The following CPS1 variants were observed in gnomAD, a reference collection of about 807,000 sequenced individuals.
CPS1 encodes the protein carbamoyl-phosphate synthase 1, also known as carbamoyl-phosphate synthase [ammonia], mitochondrial.
In CPS1, 109 loss-of-function variants were observed where a neutral mutation model predicts 174.6. The ratio of observed to expected loss-of-function variants is 0.62; its 90% CI spans 0.53 to 0.73. CPS1 has a LOEUF of 0.73. Ranked by LOEUF, CPS1 falls within the 30% of genes least tolerant of loss-of-function variation. The pLI is 0.00. For synonymous variants in CPS1, 637 were observed against 632.0 expected, an observed-to-expected ratio of 1.01 and a Z score of -0.12; for missense variants, 1,689 against 1,821.9, an observed-to-expected ratio of 0.93 and a Z score of 1.33.
chr2:210,639,329 A>G (rs1306282421), intron 23 of CPS1, 114 bp downstream of exon 23: 2 of 887,172 alleles, frequency 2.3e-6, no homozygotes, highest in Non-Finnish European at 1.8e-6. Flanking sequence ...AAAAGGCATC[A>G]TGGCCGGGCG....
chr2:210,511,225 T>C (rs1033447713), intron 1 of CPS1, among the ~76,000 whole-genome samples: 2 of 152,154 alleles, frequency 1.3e-5, no homozygotes, highest in African/African-American at 2.4e-5. Context: ...GTTCATGTCC[T>C]TTGTAGGGAC....
chr2:210,550,697 G>A (rs972858740), intron 1 of CPS1, among the ~76,000 whole-genome samples: 2 of 151,802 alleles, frequency 1.3e-5, no homozygotes, highest in Non-Finnish European at 2.9e-5. Flanking sequence ...AGCAAGTGGT[G>A]TACATATTTA....
At chr2:210,578,149 C>A (rs549187468) in intron 4 of CPS1, among the ~76,000 whole-genome samples, 1 of 151,912 alleles carries the variant, frequency 6.6e-6, no homozygotes, top group Admixed American at 6.6e-5. Flanking sequence ...ACTCTTGTTG[C>A]CCAGGCTGGA....
chr2:210,546,008 A>C (rs1031825429), intron 1 of CPS1, among the ~76,000 whole-genome samples: 1 of 151,978 alleles, frequency 6.6e-6, no homozygotes, highest in Non-Finnish European at 1.5e-5. Flanking sequence ...TGGGGTCTTG[A>C]GCTTCTTAGA....
chr2:210,587,990 G>A, intron 6 of CPS1, 68 bp from the exon 7 acceptor site: 2 of 1,317,218 alleles, frequency 1.5e-6, no homozygotes, highest in East Asian at 2.3e-5. Context: ...TGTCAGATGT[G>A]TTTATGATTT....
chr2:210,627,631 A>C (rs1240723371), intron 21 of CPS1, among the ~76,000 whole-genome samples: 1 of 152,188 alleles, frequency 6.6e-6, no homozygotes, highest in Non-Finnish European at 1.5e-5. Flanking sequence ...CATGCCTCCT[A>C]ACAGTGGAGT....
intron 1 of CPS1, among the ~76,000 whole-genome samples, chr2:210,520,400 AC>A (rs1695789597): frequency 6.6e-6 from 1 of 151,966 alleles, no homozygotes; most frequent in Non-Finnish European, 1.5e-5. Context: ...GCACCTATCA[AC>A]CCGCCATCTA....
chr2:210,668,162 A>T (rs758426793), intron 33 of CPS1, 24 bp from the exon 34 acceptor site: 1 of 1,570,304 alleles, frequency 6.4e-7, no homozygotes. Context: ...CCTCTATTTT[A>T]ATTTTTTATT....
chr2:210,554,182 TACACAC>T (rs1181491591), upstream of CPS1, among the ~76,000 whole-genome samples: 1 of 109,468 alleles, frequency 9.1e-6, no homozygotes, highest in Non-Finnish European at 1.9e-5. Flanking sequence ...TATGTATATA[TACACAC>T]ACACATATAT....
At chr2:210,673,049 A>T (rs765784341) in intron 34 of CPS1, 1 of 152,186 alleles carries the variant, frequency 6.6e-6, no homozygotes, top group Non-Finnish European at 1.5e-5. Context: ...CACAGTTCCT[A>T]GTTTCTGACT....
chr2:210,660,645 T>C lies in CPS1; in HGVS notation c.3917T>C (p.Val1306Ala). The C allele has an allele frequency of 6.2e-7, 1 of 1,614,100 alleles. No homozygotes were observed. Among genetic ancestry groups the C allele is most frequent in the Non-Finnish European group, 8.5e-7 (1 of 1,179,950 alleles). The change falls in exon 32 of 38, where the codon GTT (valine) becomes GCT (alanine). Residue 1306 changes from valine to alanine, a missense_variant. Coordinates refer to ENST00000233072, the MANE Select transcript of CPS1 (RefSeq NM_001875.5). ...CATCCCATAATTCCTGCTGACTATG[T>C]TGCAATTAAGGTAACATTTTCAAAA... ...LDHPIIPADY[V>A]AIKAPMFSWP...
intron 1 of CPS1, among the ~76,000 whole-genome samples, chr2:210,482,170 G>A (rs7569252): frequency 0.43 from 66,007 of 152,020 alleles, 15,652 homozygotes; most frequent in African/African-American, 0.64. Context: ...GGGTAACTCC[G>A]AGTTCGGAAG....
intron 29 of CPS1, among the ~76,000 whole-genome samples, chr2:210,655,802 T>C (rs2105916869): frequency 6.6e-6 from 1 of 152,296 alleles, no homozygotes; most frequent in East Asian, 1.9e-4. Context: ...CTTATGTAAT[T>C]TATTTAAGTC....
intron 1 of CPS1, among the ~76,000 whole-genome samples, chr2:210,543,853 A>G (rs982667386): frequency 6.6e-6 from 1 of 152,116 alleles, no homozygotes; most frequent in Admixed American, 6.6e-5. Context: ...TGATGAATAA[A>G]TTAGATACAC....
chr2:210,478,796 G>T (rs1426989289), intron 1 of CPS1, among the ~76,000 whole-genome samples: 1 of 152,072 alleles, frequency 6.6e-6, no homozygotes, highest in African/African-American at 2.4e-5. Context: ...TGAAGCATGC[G>T]TCTAAACGGA....
At chr2:210,549,024 T>C (rs1483892982) in intron 1 of CPS1, among the ~76,000 whole-genome samples, 1 of 152,070 alleles carries the variant, frequency 6.6e-6, no homozygotes. Context: ...GTAGGTGACC[T>C]GTTCTCTACG....
intron 1 of CPS1, among the ~76,000 whole-genome samples, chr2:210,565,984 GT>G (rs1277260062): frequency 6.6e-6 from 1 of 152,190 alleles, no homozygotes; most frequent in Non-Finnish European, 1.5e-5. Context: ...CTGTAATGCA[GT>G]TTTGATAAAG....
At chr2:210,510,921 A>C (rs1359693324) in intron 1 of CPS1, among the ~76,000 whole-genome samples, 1 of 152,186 alleles carries the variant, frequency 6.6e-6, no homozygotes, top group Non-Finnish European at 1.5e-5. Flanking sequence ...GAACAATTTT[A>C]CACTGTTGGT....
intron 21 of CPS1, among the ~76,000 whole-genome samples, chr2:210,616,756 T>A (rs1185164851): frequency 6.6e-6 from 1 of 151,944 alleles, no homozygotes; most frequent in Non-Finnish European, 1.5e-5. Flanking sequence ...TTTTTAATCA[T>A]CTTCTATTCC....
Sources: gnomAD v4.1 joint callset for allele counts (sites outside exome capture counted in the v4.1 genomes callset) on GRCh38, gnomAD v4.1.1 for gene constraint, MANE v1.5 for transcripts, NCBI Gene and HGNC (gene_info 2026-07-23, HGNC 2026-07-21) for gene names.